PALS2: variants seen among roughly 807,000 people sequenced by gnomAD.
PALS2 encodes protein PALS2.
In PALS2, 27 loss-of-function variants were observed where a neutral mutation model predicts 61.6. That is an observed-to-expected ratio of 0.44 (90% confidence interval 0.32 to 0.60). The LOEUF (loss-of-function observed/expected upper bound fraction) is 0.60. Ranked by LOEUF, PALS2 falls within the 20% of genes least tolerant of loss-of-function variation. The pLI is 0.05. For missense variants in PALS2, 554 were observed against 639.4 expected, an observed-to-expected ratio of 0.87 and a Z score of 1.44; for synonymous variants, 236 against 218.6, an observed-to-expected ratio of 1.08 and a Z score of -0.70.
intron 2 of PALS2, among the ~76,000 whole-genome samples, chr7:24,637,393 A>T (rs1248696480): frequency 6.8e-6 from 1 of 146,288 alleles, no homozygotes; most frequent in Non-Finnish European, 1.5e-5. Flanking sequence ...TCTCTGTCTC[A>T]TTTCTACTTT....
intron 9 of PALS2, among the ~76,000 whole-genome samples, chr7:24,676,951 G>A (rs1787633351): frequency 6.6e-6 from 1 of 151,084 alleles, no homozygotes; most frequent in African/African-American, 2.5e-5. Flanking sequence ...CATTGAGTCT[G>A]TAAATTACCT....
intron 1 of PALS2, among the ~76,000 whole-genome samples, chr7:24,574,896 T>C (rs758158007): frequency 3.3e-5 from 5 of 152,206 alleles, no homozygotes; most frequent in Non-Finnish European, 7.3e-5. Context: ...CCTCAAGTAA[T>C]ATTGCTTATT....
intron 2 of PALS2, among the ~76,000 whole-genome samples, chr7:24,638,066 A>G (rs1785326632): frequency 6.6e-6 from 1 of 151,932 alleles, no homozygotes; most frequent in African/African-American, 2.4e-5. Flanking sequence ...TTGATTAGTT[A>G]AATTTAAGTT....
chr7:24,617,191 C>T (rs1219848345), intron 1 of PALS2, among the ~76,000 whole-genome samples: 2 of 151,966 alleles, frequency 1.3e-5, no homozygotes, highest in Non-Finnish European at 2.9e-5. Flanking sequence ...ATTGTATTTT[C>T]TTCTAATTTC....
In PALS2 at chr7:24,618,133, G is replaced by T. The variant is rs1485655423; in HGVS notation, c.-2-5533G>T. Among the ~76,000 whole-genome samples, 1 of 152,138 alleles carries T rather than the reference G, an allele frequency of 6.6e-6. No individual in the cohort carries two copies. Among genetic ancestry groups the T allele is most frequent in the Non-Finnish European group, 1.5e-5 (1 of 68,024 alleles). Reference sequence around the variant, plus strand: ...CTGCCAGGCTGTTTTTCAGGCTCAGGACATGGGTGTGCAACTACCCGGCCA... The same window carrying T: ...CTGCCAGGCTGTTTTTCAGGCTCAGTACATGGGTGTGCAACTACCCGGCCA... On this transcript the variant is annotated intron_variant, in intron 1 of 11. Transcript: ENST00000222644. The surrounding 1 kb of genome is among the most constrained non-coding windows in gnomAD (Gnocchi z 5.1).
In PALS2 at chr7:24,689,639, G is replaced by A. The variant is rs142688775; in HGVS notation, c.*2025G>A. Reference sequence around the variant, plus strand: ...TTTCATGGCCAGAACACAAATTCACGTTTCTTGTCCTAGGACAGGGAATTG... The same window carrying A: ...TTTCATGGCCAGAACACAAATTCACATTTCTTGTCCTAGGACAGGGAATTG... On this transcript the variant is annotated 3_prime_UTR_variant, in exon 12 of 12. Transcript: ENST00000222644. The A allele has an allele frequency of 2.4e-4, 33 of 137,996 alleles. No individual in the cohort carries two copies. Among genetic ancestry groups the A allele is most frequent in the African/African-American group, 8.6e-4 (31 of 36,120 alleles). 8.5% of individuals were successfully genotyped at this position (137,996 alleles called of 1,614,324 possible).
chr7:24,623,012 A>T (rs1784585272), intron 1 of PALS2, among the ~76,000 whole-genome samples: 1 of 151,954 alleles, frequency 6.6e-6, no homozygotes, highest in African/African-American at 2.4e-5. Context: ...CATTCCTGGG[A>T]TAAAGTGAAC....
chr7:24,649,577 C>G (rs1786031225), intron 3 of PALS2, 35 bp from the exon 4 acceptor site: 1 of 1,488,688 alleles, frequency 6.7e-7, no homozygotes, highest in Admixed American at 2.3e-5. Flanking sequence ...ATCCACATAT[C>G]ATAAATAACC....
chr7:24,684,075 G>A (rs1788072867), intron 11 of PALS2, among the ~76,000 whole-genome samples: 2 of 152,018 alleles, frequency 1.3e-5, no homozygotes, highest in Admixed American at 6.6e-5. Context: ...TCTGTCTTTA[G>A]AGTATATCCC....
At chr7:24,645,909 C>T (rs1194793820) in intron 3 of PALS2, among the ~76,000 whole-genome samples, 1 of 152,098 alleles carries the variant, frequency 6.6e-6, no homozygotes, top group African/African-American at 2.4e-5. Flanking sequence ...TCTGATTTGG[C>T]TCTTCCTTTG....
At chr7:24,577,673 C>G (rs1782689130) in intron 1 of PALS2, among the ~76,000 whole-genome samples, 1 of 152,100 alleles carries the variant, frequency 6.6e-6, no homozygotes. Flanking sequence ...TATGTTCACT[C>G]TGTTGGGAAC....
chr7:24,598,134 C>A lies in PALS2; in HGVS notation c.-3+24541C>A, dbSNP rs192200489. On this transcript the variant is annotated intron_variant, in intron 1 of 11. Coordinates refer to ENST00000222644, the MANE Select transcript of PALS2 (RefSeq NM_001303037.2). ...CACTGGGGAGATCTTTTCACTGAGT[C>A]CAAATGTGAACTACATCATTAATGC... 5.9e-5 allele frequency among the ~76,000 whole-genome samples: 9 copies of A among 152,100 alleles called. No individual in the cohort carries two copies. The East Asian group carries it at 1.7e-3, about 29-fold the overall frequency.
chr7:24,609,027 A>T (rs1362602745), intron 1 of PALS2, among the ~76,000 whole-genome samples: 1 of 152,160 alleles, frequency 6.6e-6, no homozygotes, highest in Non-Finnish European at 1.5e-5. Context: ...AGCTTCTCAC[A>T]TATCTCTCAG....
chr7:24,585,593 T>G (rs1455599762), intron 1 of PALS2, among the ~76,000 whole-genome samples: 3 of 150,954 alleles, frequency 2.0e-5, no homozygotes, highest in African/African-American at 4.9e-5. Context: ...TTCATGCCAG[T>G]ACTCATCAGA....
intron 11 of PALS2, among the ~76,000 whole-genome samples, chr7:24,685,129 G>T (rs149865832): frequency 2.8e-3 from 418 of 151,940 alleles, no homozygotes; most frequent in Middle Eastern, 3.4e-3. Flanking sequence ...CACCCTGACA[G>T]GCCCCAATGT....
chr7:24,601,315 C>T (rs1306206594), intron 1 of PALS2, among the ~76,000 whole-genome samples: 2 of 152,076 alleles, frequency 1.3e-5, no homozygotes, highest in African/African-American at 2.4e-5. Context: ...TCTCAGACTT[C>T]ATTTATTTGC....
chr7:24,657,905 T>G (rs1022108993), intron 5 of PALS2, among the ~76,000 whole-genome samples: 1 of 152,222 alleles, frequency 6.6e-6, no homozygotes, highest in Non-Finnish European at 1.5e-5. Flanking sequence ...GATCAGAGTT[T>G]ATATTTTGCA....
At chr7:24,637,351 C>T (rs953067185) in intron 2 of PALS2, among the ~76,000 whole-genome samples, 8 of 140,448 alleles carry the variant, frequency 5.7e-5, no homozygotes, top group Non-Finnish European at 1.2e-4. Flanking sequence ...ATAATGTATG[C>T]AGAAACAAAA....
At chr7:24,651,184 A>G (rs1033602471) in intron 5 of PALS2, among the ~76,000 whole-genome samples, 16 of 152,206 alleles carry the variant, frequency 1.1e-4, no homozygotes, top group Admixed American at 6.5e-5. Flanking sequence ...TTTGATCTGT[A>G]TTTTAAAACT....
Sources: allele counts gnomAD v4.1 joint callset (sites outside exome capture counted in the v4.1 genomes callset), GRCh38; gene constraint gnomAD v4.1.1; non-coding constraint Gnocchi (gnomAD v3.1); transcripts MANE v1.5; gene names NCBI Gene and HGNC (gene_info 2026-07-23, HGNC 2026-07-21).